UNC80: variants seen among roughly 807,000 people sequenced by gnomAD.
The protein encoded by UNC80 is unc-80 subunit of NALCN channel complex, also known as protein unc-80 homolog.
In UNC80, 164 loss-of-function variants were observed where a neutral mutation model predicts 384.6. That is an observed-to-expected ratio of 0.43 (90% CI 0.38 to 0.49). The LOEUF (loss-of-function observed/expected upper bound fraction) is 0.49. Among genes scored for constraint, UNC80 ranks in the 20% least tolerant of loss-of-function variants. The probability of loss-of-function intolerance (pLI) is 0.00; values close to 1 mark genes in which losing one functional copy is unlikely to be tolerated. For missense variants in UNC80, 3,330 were observed against 4,143.0 expected, an observed-to-expected ratio of 0.80 and a Z score of 5.39; for synonymous variants, 1,486 against 1,527.8, an observed-to-expected ratio of 0.97 and a Z score of 0.64.
intron 35 of UNC80, 141 bp from the exon 36 acceptor site, chr2:209,926,702 A>G (rs1486542062): frequency 3.0e-6 from 3 of 1,012,900 alleles, no homozygotes; most frequent in African/African-American, 1.6e-5. Flanking sequence ...CTTGAGCCCA[A>G]GAAGTCGAGG....
chr2:209,914,546 C>T lies in UNC80; in HGVS notation c.5029+606C>T, dbSNP rs1000076497. Among the ~76,000 whole-genome samples the T allele has an allele frequency of 2.8e-4, 41 of 146,514 alleles. No homozygotes were observed. In the East Asian group the frequency reaches 7.0e-3, roughly 25 times the overall value. Reference sequence around the variant, plus strand: ...AAGTATTGCCCTCTCTCCTATGACCCGCCCCCCTCTCCCCATCCCCCAGCC... The same window carrying T: ...AAGTATTGCCCTCTCTCCTATGACCTGCCCCCCTCTCCCCATCCCCCAGCC... On this transcript the variant is annotated intron_variant, in intron 31 of 64. Transcript: ENST00000673920.
chr2:209,863,989 G>A (rs1489465997), intron 22 of UNC80, among the ~76,000 whole-genome samples: 1 of 151,878 alleles, frequency 6.6e-6, no homozygotes, highest in African/African-American at 2.4e-5. Flanking sequence ...TTCAGTCTTT[G>A]AGGCTGCTGA....
At chr2:209,884,276 A>G (rs563736539) in intron 25 of UNC80, among the ~76,000 whole-genome samples, 4 of 152,238 alleles carry the variant, frequency 2.6e-5, no homozygotes, top group Non-Finnish European at 4.4e-5. Context: ...ACTAAGCAAC[A>G]TGTAATGAAA....
At chr2:209,813,903 T>C (rs1269317030) in intron 8 of UNC80, 62 bp downstream of exon 8, 1 of 1,519,668 alleles carries the variant, frequency 6.6e-7, no homozygotes, top group South Asian at 1.3e-5. Flanking sequence ...GATTCTTTTT[T>C]TCTCTGTGCA....
At chr2:209,862,292 T>C (rs957409710) in intron 22 of UNC80, among the ~76,000 whole-genome samples, 3 of 152,138 alleles carry the variant, frequency 2.0e-5, no homozygotes, top group Non-Finnish European at 2.9e-5. Flanking sequence ...GAAGAATGTA[T>C]GTTCTGTTGA....
rs746722793 is a variant in UNC80, at chr2:209,972,158, G to T, written c.8257-43G>T. On this transcript the variant is annotated intron_variant, in intron 54 of 64. Coordinates refer to ENST00000673920, the MANE Select transcript of UNC80 (RefSeq NM_001371986.1). The stretch of plus-strand genomic sequence containing the variant: ...GTGTAAAAACAAACATACTAAATGG[G>T]TGTGGTGGTCAATTAATCTTTTCTT... The T allele has an allele frequency of 1.1e-4, 173 of 1,542,676 alleles. 4 individuals are homozygous for T. In the Middle Eastern group the frequency reaches 2.9e-3, roughly 25 times the overall value.
At position 209,937,580 on chromosome 2, in the gene UNC80, A is replaced by G. The variant is rs1473118473; in HGVS notation, c.6415A>G (p.Asn2139Asp). The G allele has an allele frequency of 6.4e-7, 1 of 1,551,894 alleles. No individual in the cohort carries two copies. Among genetic ancestry groups the G allele is most frequent in the Admixed American group, 2.0e-5 (1 of 50,994 alleles). The stretch of plus-strand genomic sequence containing the variant: ...CCGGAGGTCAGTATCTCCCCAGCTG[A>G]ATCTTGTACATATGCATCCAGAGAA... The part of the protein sequence containing the change: ...PFRRSVSPQL[N>D]LVHMHPEKGQ... Residue 2139 changes from asparagine (N) to aspartate (D), a missense_variant, in exon 42 of 65, where the codon AAT becomes GAT. By Grantham distance (23) the Asn-to-Asp change is conservative. This residue lies in a region of UNC80 where 1,049 missense variants were observed against 1,488.6 expected (regional missense o/e 0.70). Transcript: ENST00000673920.
intron 22 of UNC80, 64 bp downstream of exon 22, chr2:209,849,687 A>G (rs2082386811): frequency 2.0e-6 from 3 of 1,463,898 alleles, no homozygotes; most frequent in Admixed American, 4.4e-5. Flanking sequence ...TAACAGAGGT[A>G]AGCATGATTC....
At chr2:209,864,608 G>A (rs1469166532) in intron 22 of UNC80, among the ~76,000 whole-genome samples, 1 of 152,212 alleles carries the variant, frequency 6.6e-6, no homozygotes, top group Non-Finnish European at 1.5e-5. Context: ...GAAAAGAGGG[G>A]TCAGGGTCAG....
chr2:209,838,805 C>T (rs1430812130), intron 18 of UNC80, among the ~76,000 whole-genome samples: 1 of 151,900 alleles, frequency 6.6e-6, no homozygotes, highest in Non-Finnish European at 1.5e-5. Flanking sequence ...ACTAAAAATA[C>T]AAAAAATTAG....
Position 209,817,817 on chromosome 2 carries a change from T to C in UNC80, c.1558T>C (p.Leu520=), listed in dbSNP as rs1001275190. ...GGWQTTILGK[L]TRRGSSDAAT... Reference sequence around the variant, plus strand: ...GGTGCTCTTATTCATCCCAGGGAAATTGACCCGGCGAGGCAGTTCAGATGC... The same window carrying C: ...GGTGCTCTTATTCATCCCAGGGAAACTGACCCGGCGAGGCAGTTCAGATGC... Residue 520 remains leucine (L), a synonymous_variant, in exon 11 of 65, where the codon TTG becomes CTG. Coordinates refer to ENST00000673920, the MANE Select transcript of UNC80 (RefSeq NM_001371986.1). The C allele has an allele frequency of 1.3e-6, 2 of 1,551,510 alleles. No homozygotes were observed. Among genetic ancestry groups the C allele is most frequent in the South Asian group, 2.4e-5 (2 of 84,048 alleles).
rs777602239 is a variant in UNC80 at position 209,967,502 on chromosome 2, G to A, written c.7871G>A (p.Arg2624His). Residue 2624 changes from arginine to histidine, a missense_variant, in exon 52 of 65, where the codon CGT becomes CAT. Arg to His is a conservative substitution (Grantham distance 29, BLOSUM62 0). Transcript: ENST00000673920. ...TATGACACTCAGACAATGGAGAGTC[G>A]TGGGCTTCGGCGCTACATCATGGAG... ...APYDTQTMES[R>H]GLRRYIMEML... 37 of 1,551,490 alleles carry A rather than the reference G, an allele frequency of 2.4e-5. No individual in the cohort carries two copies. The highest frequency in any genetic ancestry group is 3.9e-5 in the Admixed American group (2 of 50,978).
chr2:209,985,839 G>T lies in UNC80; in HGVS notation c.9314+927G>T, dbSNP rs184130064. 1.6e-4 allele frequency among the ~76,000 whole-genome samples: 24 copies of T among 152,306 alleles called. No individual in the cohort carries two copies. The East Asian group carries it at 3.5e-3, about 22-fold the overall frequency. On this transcript the variant is annotated intron_variant, in intron 61 of 64. Transcript: ENST00000673920. ...TGCTTTATCACAAAGATGAGGAAAT[G>T]TTGAGAGGCTGTTCCTGTGAAAGGT...
chr2:209,964,194 G>T (rs2092678909), intron 51 of UNC80, among the ~76,000 whole-genome samples: 1 of 152,122 alleles, frequency 6.6e-6, no homozygotes, highest in South Asian at 2.1e-4. Flanking sequence ...GTGAGACAAA[G>T]AATTACATGA....
intron 24 of UNC80, among the ~76,000 whole-genome samples, chr2:209,879,549 G>A (rs544744881): frequency 1.5e-4 from 23 of 152,300 alleles, no homozygotes; most frequent in South Asian, 1.5e-3. Context: ...GGTAAGAAAA[G>A]CCTGGATGAT....
chr2:209,851,502 C>T (rs1469233524), intron 22 of UNC80, among the ~76,000 whole-genome samples: 1 of 152,032 alleles, frequency 6.6e-6, no homozygotes, highest in Non-Finnish European at 1.5e-5. Flanking sequence ...TTATAAGATA[C>T]TCACCATATA....
chr2:209,849,008 T>C lies in UNC80; in HGVS notation c.3455-443T>C, dbSNP rs575179855. ...TTCACCACAGTGCTGTACCAATTTG[T>C]ACAGCATGCTGTACCCAATGTACAC... is the stretch of plus-strand genomic sequence containing the variant. On this transcript the variant is annotated intron_variant, in intron 21 of 64. Coordinates refer to ENST00000673920, the MANE Select transcript of UNC80 (RefSeq NM_001371986.1). Among the ~76,000 whole-genome samples the C allele has an allele frequency of 6.6e-5, 10 of 152,274 alleles. No homozygotes were observed. In the South Asian group the frequency reaches 2.1e-3, roughly 32 times the overall value.
At chr2:209,937,741 G>T in intron 42 of UNC80, 111 bp downstream of exon 42, 1 of 781,616 alleles carries the variant, frequency 1.3e-6, no homozygotes, top group Non-Finnish European at 2.1e-6. Context: ...ACCCTCTCTG[G>T]AGACAGTAGT....
intron 38 of UNC80, among the ~76,000 whole-genome samples, chr2:209,932,443 T>A (rs1354439061): frequency 6.6e-6 from 1 of 152,086 alleles, no homozygotes; most frequent in Non-Finnish European, 1.5e-5. Context: ...CAGGCTGGTG[T>A]GGAAAGAGCC....
Sources: allele counts gnomAD v4.1 joint callset (sites outside exome capture counted in the v4.1 genomes callset), GRCh38; gene constraint gnomAD v4.1.1; regional missense constraint gnomAD v4.1.1; transcripts MANE v1.5; gene names NCBI Gene and HGNC (gene_info 2026-07-23, HGNC 2026-07-21).